The following WDR7 variants were observed in gnomAD, a reference collection of about 807,000 sequenced individuals.
The protein encoded by WDR7 is WD repeat-containing protein 7.
A neutral mutation model predicts 169.4 loss-of-function variants in WDR7; 46 were observed. That is an observed-to-expected ratio of 0.27 (90% CI 0.21 to 0.35). The LOEUF (loss-of-function observed/expected upper bound fraction) is 0.35. WDR7 is among the 10% of genes least tolerant of loss of function. The pLI is 1.00. For missense variants in WDR7, 1,534 were observed against 1,859.3 expected (o/e 0.83, Z 3.22); for synonymous variants, 612 against 666.8 (o/e 0.92, Z 1.27).
rs143479716 is a variant in WDR7 at position 56,689,721 on chromosome 18, A to G, written c.718-1495A>G. Among the ~76,000 whole-genome samples the G allele has an allele frequency of 5.0e-3, 754 of 152,258 alleles. 9 individuals carry two copies. The highest frequency in any genetic ancestry group is 0.017 in the Middle Eastern group (5 of 294). On this transcript the variant is annotated intron_variant, in intron 7 of 27. Coordinates refer to ENST00000254442, the MANE Select transcript of WDR7 (RefSeq NM_015285.3). ...TTCGTCTGTTGTCCCTTGATAATAT[A>G]CTATATTCCTACATTATTGGAATCT... is the stretch of plus-strand genomic sequence containing the variant.
intron 26 of WDR7, among the ~76,000 whole-genome samples, chr18:56,992,778 C>T (rs2047837018): frequency 6.6e-6 from 1 of 152,184 alleles, no homozygotes; most frequent in South Asian, 2.1e-4. Context: ...CCAATCAATT[C>T]CCAAATATTT....
intron 26 of WDR7, among the ~76,000 whole-genome samples, chr18:56,974,238 T>G (rs2047532281): frequency 6.6e-6 from 1 of 152,186 alleles, no homozygotes; most frequent in Non-Finnish European, 1.5e-5. Context: ...ATTGTATGAA[T>G]TATATATCCT....
chr18:56,739,044 C>T (rs1247648213), intron 14 of WDR7, among the ~76,000 whole-genome samples: 4 of 151,124 alleles, frequency 2.6e-5, no homozygotes, highest in Non-Finnish European at 4.4e-5. Context: ...TCTTTATAAA[C>T]CTTTTATCTC....
intron 14 of WDR7, among the ~76,000 whole-genome samples, chr18:56,754,472 GTATA>G (rs983636077): frequency 2.6e-5 from 4 of 151,416 alleles, no homozygotes; most frequent in Non-Finnish European, 4.4e-5. Context: ...GTGTGTGTAT[GTATA>G]TATGTATATA....
Position 56,743,193 on chromosome 18 carries a change from C to T in WDR7, c.1989+11596C>T, listed in dbSNP as rs185608302. On this transcript the variant is annotated intron_variant, in intron 14 of 27. Coordinates refer to ENST00000254442, the MANE Select transcript of WDR7 (RefSeq NM_015285.3). ...ATCGAATGTAAAAGCAGGTTTTGTC[C>T]GGGATGATGAGGAGTTGCTTTGTTC... is the stretch of plus-strand genomic sequence containing the variant. Among the ~76,000 whole-genome samples the T allele has an allele frequency of 3.4e-3, 510 of 152,074 alleles. 2 individuals carry two copies. Among genetic ancestry groups the T allele is most frequent in the South Asian group, 5.6e-3 (27 of 4,804 alleles).
intron 16 of WDR7, among the ~76,000 whole-genome samples, chr18:56,772,677 A>G (rs1170157597): frequency 6.6e-6 from 1 of 151,712 alleles, no homozygotes; most frequent in East Asian, 1.9e-4. Flanking sequence ...GACTATTCGT[A>G]TAGAGATATA....
intron 21 of WDR7, among the ~76,000 whole-genome samples, chr18:56,919,511 C>T (rs1431903687): frequency 1.0e-4 from 5 of 50,142 alleles, no homozygotes; most frequent in African/African-American, 2.5e-4. Context: ...GGGAGATGCT[C>T]GTTAACTCAG....
intron 20 of WDR7, among the ~76,000 whole-genome samples, chr18:56,837,850 G>T (rs1285787975): frequency 1.3e-5 from 2 of 151,990 alleles, no homozygotes; most frequent in African/African-American, 2.4e-5. Flanking sequence ...AGTAGAGACG[G>T]GGTTTCACCA....
chr18:56,935,820 C>G lies in WDR7; in HGVS notation c.3746C>G (p.Ala1249Gly). 2 of 1,614,208 alleles carry G rather than the reference C, an allele frequency of 1.2e-6. No homozygotes were observed. The highest frequency in any genetic ancestry group is 1.7e-6 in the Non-Finnish European group (2 of 1,180,050). ...ATGGGGTTGCCTCTGAGCCCAGCAG[C>G]TGACTCGGCCCGCTCTGCGAGGCAT... ...ITMGLPLSPA[A>G]DSARSARHAL... The change falls in exon 23 of 28, where the codon GCT becomes GGT. Residue 1249 changes from alanine to glycine, a missense_variant. Physicochemically the swap from Ala to Gly is moderately conservative, Grantham distance 60. Coordinates refer to ENST00000254442, the MANE Select transcript of WDR7 (RefSeq NM_015285.3).
Position 56,756,652 on chromosome 18 carries a change from G to A in WDR7, c.2059G>A (p.Asp687Asn). 3.7e-6 allele frequency: 6 copies of A among 1,614,032 alleles called. No homozygotes were observed. The highest frequency in any genetic ancestry group is 5.1e-6 in the Non-Finnish European group (6 of 1,179,996). Reference sequence around the variant, plus strand: ...AATAAAGACAAACCTAACAGACCCGGACATACATGTGCTATTCTTTGATGT... The same window carrying A: ...AATAAAGACAAACCTAACAGACCCGAACATACATGTGCTATTCTTTGATGT... ...QAIKTNLTDPDIHVLFFDVEA... is the reference protein window; with the variant it reads ...QAIKTNLTDPNIHVLFFDVEA... Residue 687 changes from aspartate to asparagine, a missense_variant, in exon 15 of 28, where the codon GAC becomes AAC. Asp to Asn is a conservative substitution (Grantham distance 23). Transcript: ENST00000254442.
intron 21 of WDR7, among the ~76,000 whole-genome samples, chr18:56,885,837 A>C (rs1214113133): frequency 3.3e-5 from 5 of 151,904 alleles, no homozygotes; most frequent in Non-Finnish European, 2.9e-5. Flanking sequence ...AAAAAAAAAA[A>C]AAAACAAAAA....
At chr18:57,025,956 A>G (rs950203108) in intron 27 of WDR7, among the ~76,000 whole-genome samples, 30 of 152,226 alleles carry the variant, frequency 2.0e-4, no homozygotes, top group Non-Finnish European at 8.8e-5. Context: ...TTACATCGAG[A>G]TGGAGGTTAT....
At chr18:56,756,551 T>C (rs1385305658) in intron 14 of WDR7, 32 bp from the exon 15 acceptor site, 1 of 1,490,560 alleles carries the variant, frequency 6.7e-7, no homozygotes, top group Non-Finnish European at 9.0e-7. Flanking sequence ...GCACTTTTAA[T>C]TATAACTATC....
chr18:56,727,461 TG>T (rs1461774429), intron 13 of WDR7, among the ~76,000 whole-genome samples: 2 of 152,078 alleles, frequency 1.3e-5, no homozygotes, highest in African/African-American at 2.4e-5. Flanking sequence ...CAGTTCCGCA[TG>T]GTTGGGGAGG....
At chr18:56,778,547 G>C (rs2044272055) in intron 17 of WDR7, among the ~76,000 whole-genome samples, 1 of 152,124 alleles carries the variant, frequency 6.6e-6, no homozygotes, top group Admixed American at 6.5e-5. Flanking sequence ...TGGGGTTGCA[G>C]TGATTATTTG....
At chr18:56,771,570 C>CT (rs1223973388) in intron 16 of WDR7, among the ~76,000 whole-genome samples, 9 of 147,384 alleles carry the variant, frequency 6.1e-5, no homozygotes, top group African/African-American at 2.3e-4. Flanking sequence ...CTCCCCCACC[C>CT]CCCCCCAAAA....
chr18:56,993,644 G>T (rs2047850162), intron 26 of WDR7, among the ~76,000 whole-genome samples: 1 of 152,176 alleles, frequency 6.6e-6, no homozygotes, highest in Admixed American at 6.5e-5. Flanking sequence ...CATTTTAAGT[G>T]TGTTAGCAAA....
chr18:56,920,485 C>G (rs971311737), intron 21 of WDR7, among the ~76,000 whole-genome samples: 1 of 152,102 alleles, frequency 6.6e-6, no homozygotes, highest in Non-Finnish European at 1.5e-5. Context: ...TAGCAATTTG[C>G]AATTCATAGG....
intron 20 of WDR7, among the ~76,000 whole-genome samples, chr18:56,879,145 T>G (rs1360809326): frequency 6.6e-6 from 1 of 152,148 alleles, no homozygotes; most frequent in Non-Finnish European, 1.5e-5. Flanking sequence ...TACGTTGGAG[T>G]GGAGTTGCTG....
Sources: gnomAD v4.1 joint callset for allele counts (sites outside exome capture counted in the v4.1 genomes callset) on GRCh38, gnomAD v4.1.1 for gene constraint, MANE v1.5 for transcripts, NCBI Gene and HGNC (gene_info 2026-07-23, HGNC 2026-07-21) for gene names.